CDYL: variants seen among roughly 807,000 people sequenced by gnomAD.
CDYL encodes the protein chromodomain Y-like protein.
A neutral mutation model predicts 47.3 loss-of-function variants in CDYL; 8 were observed. That is an observed-to-expected ratio of 0.17 (90% confidence interval 0.10 to 0.31). The LOEUF (loss-of-function observed/expected upper bound fraction) is 0.31. Among genes scored for constraint, CDYL ranks in the 10% least tolerant of loss-of-function variants. CDYL has a pLI of 1.00. For synonymous variants in CDYL, 266 were observed against 265.0 expected (o/e 1.00, Z -0.04); for missense variants, 471 against 701.4 (o/e 0.67, Z 3.71).
intron 1 of CDYL, among the ~76,000 whole-genome samples, chr6:4,861,367 T>C (rs1267456559): frequency 6.6e-6 from 1 of 152,184 alleles, no homozygotes; most frequent in Non-Finnish European, 1.5e-5. Flanking sequence ...TTATTGAAGG[T>C]TGGAGTGTCA....
rs548579086 is a variant in CDYL, at chr6:4,901,693, G to T, written c.691+9314G>T. Among the ~76,000 whole-genome samples, 7 of 152,218 alleles carry T rather than the reference G, an allele frequency of 4.6e-5. No individual in the cohort carries two copies. The East Asian group carries it at 1.4e-3, about 29-fold the overall frequency. On this transcript the variant is annotated intron_variant, in intron 2 of 6. Coordinates refer to ENST00000397588, the MANE Select transcript of CDYL (RefSeq NM_004824.4). ...ACTGATAAGTGAATTTTTTATAAGC[G>T]TAATTGATTTTATTAAGTACACAGT...
At chr6:4,737,962 T>C (rs940720294) in intron 3 of CDYL, among the ~76,000 whole-genome samples, 1 of 152,068 alleles carries the variant, frequency 6.6e-6, no homozygotes, top group African/African-American at 2.4e-5. Context: ...AAAGAAAGTG[T>C]TTGCAACACG....
Position 4,712,704 on chromosome 6 carries a change from A to G in CDYL, c.-38-3037A>G, listed in dbSNP as rs190578124. Among the ~76,000 whole-genome samples the G allele has an allele frequency of 1.5e-3, 229 of 152,330 alleles. 1 individual carries two copies. The highest frequency in any genetic ancestry group is 5.2e-3 in the African/African-American group (218 of 41,582). On this transcript the variant is annotated intron_variant, in intron 1 of 8. Transcript: ENST00000328908. ...AGGAGATTCGGACTGTTAGAACGAG[A>G]TAATTTCAGAGCTTTAAATGGCTCC... is the stretch of plus-strand genomic sequence containing the variant.
intron 1 of CDYL, among the ~76,000 whole-genome samples, chr6:4,818,298 C>T (rs1759730082): frequency 6.6e-6 from 1 of 151,762 alleles, no homozygotes; most frequent in African/African-American, 2.4e-5. Context: ...TGGAAAACAC[C>T]AAGAAAAGGA....
chr6:4,914,249 A>G (rs1757493613), intron 2 of CDYL, among the ~76,000 whole-genome samples: 1 of 143,460 alleles, frequency 7.0e-6, no homozygotes, highest in Non-Finnish European at 1.5e-5. Context: ...TGGCACTAGT[A>G]GATCAACAGG....
At chr6:4,839,389 T>G (rs1760422143) in intron 1 of CDYL, among the ~76,000 whole-genome samples, 3 of 152,230 alleles carry the variant, frequency 2.0e-5, no homozygotes, top group African/African-American at 7.2e-5. Flanking sequence ...CTCTGCTGAT[T>G]GTTTATTTTG....
rs577496589 is a variant in CDYL, at chr6:4,795,245, G to A, written c.24+18438G>A. Among the ~76,000 whole-genome samples, 11 of 152,036 alleles carry A rather than the reference G, an allele frequency of 7.2e-5. No individual in the cohort carries two copies. In the East Asian group the frequency reaches 2.1e-3, roughly 29 times the overall value. ...TATGTTTCTGCATTTATTGCAGATTGTTGTTTTACCCTTATTTTTATTTTC... is the reference window on the plus strand; with the variant it reads ...TATGTTTCTGCATTTATTGCAGATTATTGTTTTACCCTTATTTTTATTTTC... On this transcript the variant is annotated intron_variant, in intron 1 of 6. Transcript: ENST00000397588.
chr6:4,828,359 A>G (rs1760039474), intron 1 of CDYL, among the ~76,000 whole-genome samples: 2 of 149,920 alleles, frequency 1.3e-5, no homozygotes. Flanking sequence ...CCTGGGCTCA[A>G]GTGATCTCCT....
chr6:4,890,193 CCTTTT>C lies in CDYL; in HGVS notation c.25-1514_25-1510del, dbSNP rs897103126. ...TCCTACAAGACATAATCTCATTGCC[CCTTTT>C]CTTTTAAAACTCTTAAACTATTTCT... On this transcript the variant is annotated intron_variant, in intron 1 of 6. Coordinates refer to ENST00000397588, the MANE Select transcript of CDYL (RefSeq NM_004824.4). The C allele has an allele frequency of 3.1e-6, 3 of 973,466 alleles. No individual in the cohort carries two copies. In the African/African-American group the frequency reaches 5.3e-5, roughly 17 times the overall value. 60.3% of individuals were successfully genotyped at this position (973,466 alleles called of 1,614,324 possible).
At chr6:4,858,076 T>C (rs1339183558) in intron 1 of CDYL, among the ~76,000 whole-genome samples, 1 of 148,270 alleles carries the variant, frequency 6.7e-6, no homozygotes, top group East Asian at 2.1e-4. Flanking sequence ...CTTATTTTCC[T>C]TGCCCTTCAA....
intron 1 of CDYL, among the ~76,000 whole-genome samples, chr6:4,889,148 G>A (rs1761972028): frequency 6.6e-6 from 1 of 152,026 alleles, no homozygotes; most frequent in South Asian, 2.1e-4. Context: ...ATGTCTTATT[G>A]CTCCTTCACA....
intron 3 of CDYL, among the ~76,000 whole-genome samples, chr6:4,749,333 A>ATGGC (rs905088592): frequency 2.1e-5 from 3 of 141,394 alleles, no homozygotes; most frequent in African/African-American, 5.0e-5. Flanking sequence ...GGATGGATGG[A>ATGGC]TGGATGGCTG....
At chr6:4,721,540 C>A (rs776178319) in intron 2 of CDYL, among the ~76,000 whole-genome samples, 1 of 151,970 alleles carries the variant, frequency 6.6e-6, no homozygotes. Context: ...TGTGCCACCA[C>A]GCTTGGATAA....
At chr6:4,749,503 G>T (rs1757955421) in intron 3 of CDYL, among the ~76,000 whole-genome samples, 1 of 152,008 alleles carries the variant, frequency 6.6e-6, no homozygotes, top group South Asian at 2.1e-4. Context: ...TGAATGGAAG[G>T]ATAGATGGAT....
At position 4,953,953 on chromosome 6, in the gene CDYL, A is replaced by G. The variant is rs1758790429; in HGVS notation, c.1532A>G (p.Gln511Arg). The G allele has an allele frequency of 6.2e-7, 1 of 1,614,162 alleles. No homozygotes were observed. Among genetic ancestry groups the G allele is most frequent in the South Asian group, 1.1e-5 (1 of 91,078 alleles). Residue 511 changes from glutamine (Q) to arginine (R), a missense_variant, in exon 7 of 7, where the codon CAG (glutamine) becomes CGG (arginine). Transcript: ENST00000397588. The part of the protein sequence containing the change: ...VRCNMKMELE[Q>R]ANERECEVLK... ...TGCAACATGAAGATGGAGCTGGAGCAGGCCAACGAGAGGGAGTGTGAGGTG... is the reference window on the plus strand; with the variant it reads ...TGCAACATGAAGATGGAGCTGGAGCGGGCCAACGAGAGGGAGTGTGAGGTG...
intron 1 of CDYL, among the ~76,000 whole-genome samples, chr6:4,809,436 C>G (rs1759462267): frequency 6.6e-6 from 1 of 152,198 alleles, no homozygotes; most frequent in African/African-American, 2.4e-5. Context: ...GGAGGCCTGC[C>G]TTCAGGATAG....
At chr6:4,766,971 C>T (rs769216615) in intron 3 of CDYL, among the ~76,000 whole-genome samples, 3 of 152,110 alleles carry the variant, frequency 2.0e-5, no homozygotes, top group Non-Finnish European at 4.4e-5. Context: ...CACTGTACTC[C>T]AGCCTGGGTG....
At chr6:4,749,303 G>A (rs9504228) in intron 3 of CDYL, among the ~76,000 whole-genome samples, 6 of 62,218 alleles carry the variant, frequency 9.6e-5, no homozygotes, top group South Asian at 7.9e-4. Flanking sequence ...ATGGATGGAT[G>A]GATAGATGGA....
chr6:4,783,103 T>C (rs564335030), intron 1 of CDYL, among the ~76,000 whole-genome samples: 3 of 152,262 alleles, frequency 2.0e-5, no homozygotes, highest in Admixed American at 1.3e-4. Context: ...TATACAACCT[T>C]TCTTTAGATT....
Sources: gnomAD v4.1 joint callset for allele counts (sites outside exome capture counted in the v4.1 genomes callset) on GRCh38, gnomAD v4.1.1 for gene constraint, MANE v1.5 for transcripts, NCBI Gene and HGNC (gene_info 2026-07-23, HGNC 2026-07-21) for gene names.